Variants in ARHGAP24 observed in about 807,000 individuals in gnomAD.
ARHGAP24 encodes the protein Rho GTPase activating protein 24.
Under a neutral mutation model 76.4 loss-of-function variants are expected in ARHGAP24, and 50 were observed. The observed-to-expected ratio is 0.65, with a 90% CI of 0.52 to 0.83. ARHGAP24 has a LOEUF of 0.83. ARHGAP24 is among the 40% of genes least tolerant of loss of function. The probability of loss-of-function intolerance (pLI) is 0.00; values close to 1 mark genes in which losing one functional copy is unlikely to be tolerated. For synonymous variants in ARHGAP24, 345 were observed against 323.3 expected, an observed-to-expected ratio of 1.07 and a Z score of -0.72; for missense variants, 930 against 914.2, an observed-to-expected ratio of 1.02 and a Z score of -0.22.
intron 3 of ARHGAP24, among the ~76,000 whole-genome samples, chr4:85,862,928 C>T (rs1171770342): frequency 6.6e-6 from 1 of 152,142 alleles, no homozygotes; most frequent in East Asian, 1.9e-4. Context: ...CAACAGTCTC[C>T]TGAAATGTCT....
chr4:85,987,897 T>G (rs1397673874), intron 8 of ARHGAP24, among the ~76,000 whole-genome samples: 1 of 151,570 alleles, frequency 6.6e-6, no homozygotes, highest in African/African-American at 2.4e-5. Context: ...GAGAACCAAT[T>G]TAAGAGAAAA....
intron 2 of ARHGAP24, among the ~76,000 whole-genome samples, chr4:85,715,876 A>G (rs1431829879): frequency 1.3e-5 from 2 of 152,058 alleles, no homozygotes; most frequent in Admixed American, 1.3e-4. Flanking sequence ...ATGTTGTTTA[A>G]TTAATATTTA....
At chr4:85,551,402 A>G (rs185221120) in intron 1 of ARHGAP24, among the ~76,000 whole-genome samples, 32 of 152,222 alleles carry the variant, frequency 2.1e-4, no homozygotes, top group African/African-American at 7.2e-4. Flanking sequence ...TGGATTAGCT[A>G]TTCAGTGTGC....
At chr4:85,564,553 A>T (rs1560534608) in intron 1 of ARHGAP24, among the ~76,000 whole-genome samples, 1 of 151,304 alleles carries the variant, frequency 6.6e-6, no homozygotes, top group Non-Finnish European at 1.5e-5. Flanking sequence ...ATAAAAAAAA[A>T]TTAAAAAAAA....
intron 2 of ARHGAP24, among the ~76,000 whole-genome samples, chr4:85,641,129 C>T (rs1047558965): frequency 5.9e-5 from 9 of 152,228 alleles, no homozygotes; most frequent in South Asian, 4.1e-4. Context: ...CAGCATCTCA[C>T]GCTATCACTC....
chr4:85,720,130 G>T, intron 2 of ARHGAP24, among the ~76,000 whole-genome samples: 1 of 152,084 alleles, frequency 6.6e-6, no homozygotes, highest in East Asian at 1.9e-4. Flanking sequence ...GGGGGGATGG[G>T]GGAGGGATAG....
intron 1 of ARHGAP24, among the ~76,000 whole-genome samples, chr4:85,543,055 A>G (rs1725767669): frequency 6.6e-6 from 1 of 152,224 alleles, no homozygotes; most frequent in Non-Finnish European, 1.5e-5. Context: ...AGTAAGTTCC[A>G]ATAAGAAAGA....
In ARHGAP24 at chr4:85,898,853, C is replaced by T. The variant is rs548413582; in HGVS notation, c.269-24795C>T. ...TCCGCCTCCCGGTTCAAGTGATGCT[C>T]CTGCCTCAGTTTCCCAAGTAGCTGG... is the stretch of plus-strand genomic sequence containing the variant. On this transcript the variant is annotated intron_variant, in intron 3 of 9. Transcript: ENST00000395184. 5.3e-4 allele frequency among the ~76,000 whole-genome samples: 81 copies of T among 152,224 alleles called. No homozygotes were observed. In the South Asian group the frequency reaches 0.016, roughly 31 times the overall value.
chr4:85,802,282 C>G (rs1423150052), intron 3 of ARHGAP24, among the ~76,000 whole-genome samples: 1 of 152,076 alleles, frequency 6.6e-6, no homozygotes, highest in Non-Finnish European at 1.5e-5. Flanking sequence ...ATATGACCCA[C>G]CTATATAAAA....
chr4:85,917,272 A>G (rs1390795878), intron 3 of ARHGAP24, among the ~76,000 whole-genome samples: 1 of 152,040 alleles, frequency 6.6e-6, no homozygotes, highest in Non-Finnish European at 1.5e-5. Flanking sequence ...ATAGTATTCC[A>G]TGGTGTATAT....
intron 1 of ARHGAP24, among the ~76,000 whole-genome samples, chr4:85,478,508 A>T (rs889160467): frequency 6.6e-6 from 1 of 151,966 alleles, no homozygotes; most frequent in Non-Finnish European, 1.5e-5. Context: ...CATTTGTGCA[A>T]AAAAGCAGCA....
chr4:85,993,662 C>G (rs78273371), intron 8 of ARHGAP24, among the ~76,000 whole-genome samples: 1,874 of 152,270 alleles, frequency 0.012, 37 homozygotes, highest in African/African-American at 0.042. Flanking sequence ...CACCAAATCT[C>G]AAGTTTTAAG....
At chr4:85,947,215 A>G (rs1203421313) in intron 5 of ARHGAP24, among the ~76,000 whole-genome samples, 3 of 151,926 alleles carry the variant, frequency 2.0e-5, no homozygotes, top group Non-Finnish European at 4.4e-5. Context: ...TAAGTTCCTT[A>G]TAGATTCTGG....
At chr4:85,800,518 G>C (rs1728532952) in intron 3 of ARHGAP24, among the ~76,000 whole-genome samples, 1 of 151,670 alleles carries the variant, frequency 6.6e-6, no homozygotes. Flanking sequence ...AGGAAAAGGA[G>C]GAAGAAGAGG....
intron 2 of ARHGAP24, among the ~76,000 whole-genome samples, chr4:85,679,651 T>C (rs1489575699): frequency 6.6e-6 from 1 of 152,150 alleles, no homozygotes; most frequent in Non-Finnish European, 1.5e-5. Flanking sequence ...CATGAAGATT[T>C]GACTGCCCTT....
intron 8 of ARHGAP24, among the ~76,000 whole-genome samples, chr4:85,982,064 T>C (rs1358596612): frequency 6.6e-6 from 1 of 151,668 alleles, no homozygotes; most frequent in Non-Finnish European, 1.5e-5. Flanking sequence ...AGATACCCTG[T>C]CAGCTAGTTT....
intron 2 of ARHGAP24, among the ~76,000 whole-genome samples, chr4:85,673,854 T>A (rs1722888534): frequency 6.6e-6 from 1 of 151,814 alleles, no homozygotes; most frequent in Admixed American, 6.6e-5. Flanking sequence ...TTCCTTAGTC[T>A]GGCAAAGCAC....
At chr4:85,594,451 G>A (rs1728238481) in intron 2 of ARHGAP24, among the ~76,000 whole-genome samples, 1 of 151,822 alleles carries the variant, frequency 6.6e-6, no homozygotes, top group Admixed American at 6.6e-5. Context: ...TCTTTCTCTT[G>A]TCTGATCGCT....
intron 2 of ARHGAP24, among the ~76,000 whole-genome samples, chr4:85,687,459 G>T (rs1025019969): frequency 3.3e-5 from 5 of 152,050 alleles, no homozygotes; most frequent in African/African-American, 1.2e-4. Context: ...ATTGTCTGTT[G>T]TTCCCATGTA....
Sources: allele counts gnomAD v4.1 joint callset (sites outside exome capture counted in the v4.1 genomes callset), GRCh38; gene constraint gnomAD v4.1.1; transcripts MANE v1.5; gene names NCBI Gene and HGNC (gene_info 2026-07-23, HGNC 2026-07-21).